Variants in ZAN observed in about 807,000 individuals in gnomAD.
ZAN encodes zonadhesin.
In ZAN, 260 loss-of-function variants were observed where a neutral mutation model predicts 286.2. That is an observed-to-expected ratio of 0.91 (90% CI 0.82 to 1.01). The LOEUF is 1.01. Among genes scored for constraint, ZAN ranks in the 50% least tolerant of loss-of-function variants. The probability of loss-of-function intolerance (pLI) is 0.00; values close to 1 mark genes in which losing one functional copy is unlikely to be tolerated. For synonymous variants in ZAN, 1,368 were observed against 1,417.5 expected (o/e 0.97, Z 0.79); for missense variants, 3,410 against 3,639.2 (o/e 0.94, Z 1.62).
chr7:100,790,943 G>C lies in ZAN; in HGVS notation c.7359G>C (p.Val2453=), dbSNP rs1811901397. The change falls in exon 40 of 48, where the codon GTG becomes GTC. Residue 2453 remains valine, a splice_region_variant and synonymous_variant. Transcript: ENST00000613979. ...VVSFGGRKNA[V]ISLPSMYEGL... ...CTGGGGACCCCCTTCCTCCCGCAGT[G>C]ATCTCCCTACCCAGCATGTACGAGG... 2 of 1,607,698 alleles carry C rather than the reference G, an allele frequency of 1.2e-6. No individual in the cohort carries two copies. The highest frequency in any genetic ancestry group is 1.7e-6 in the Non-Finnish European group (2 of 1,177,110).
intron 12 of ZAN, 99 bp downstream of exon 12, chr7:100,750,995 A>G (rs1352577487): frequency 5.4e-6 from 8 of 1,487,006 alleles, no homozygotes; most frequent in Non-Finnish European, 5.4e-6. Context: ...AAAGCTGGAA[A>G]GAGAGCCGAG....
chr7:100,737,026 C>A lies in ZAN; in HGVS notation c.471C>A (p.Pro157=). ...GGAAACACTGGAACACCCAGAGACCCTCCTGGATGCTCACCACCGTCACTG... is the reference window on the plus strand; with the variant it reads ...GGAAACACTGGAACACCCAGAGACCATCCTGGATGCTCACCACCGTCACTG... ...VLWKHWNTQR[P]SWMLTTVTVP... The change falls in exon 5 of 48, where the codon CCC becomes CCA. Residue 157 remains proline (P), a synonymous_variant. Transcript: ENST00000613979. 1 of 1,499,158 alleles carries A rather than the reference C, an allele frequency of 6.7e-7. No homozygotes were observed. The highest frequency in any genetic ancestry group is 2.3e-5 in the East Asian group (1 of 42,834). 92.9% of individuals were successfully genotyped at this position (1,499,158 alleles called of 1,614,324 possible). A position where few individuals can be genotyped will look rare whatever the true frequency, so the allele number is the denominator to read the frequency against.
chr7:100,797,331 C>T (rs769494573), intron 45 of ZAN, 35 bp from the exon 46 acceptor site: 5 of 1,603,852 alleles, frequency 3.1e-6, no homozygotes, highest in Admixed American at 1.7e-5. Context: ...TCCCGTCTCA[C>T]GTTCGACCTA....
chr7:100,746,852 G>A (rs1484547073), intron 8 of ZAN, 150 bp downstream of exon 8: 24 of 1,034,760 alleles, frequency 2.3e-5, no homozygotes, highest in Non-Finnish European at 3.2e-5. Context: ...TGGCTGGGAG[G>A]GCACTTTGGG....
chr7:100,789,868 G>C lies in ZAN; in HGVS notation c.7357+521G>C, dbSNP rs184983466. On this transcript the variant is annotated intron_variant, in intron 39 of 47. Transcript: ENST00000613979. ...GCTGAGGCAGGAGAATCGCTTGAAC[G>C]TGGGAGGCGGAGGTTGCAGTGAGCT... Among the ~76,000 whole-genome samples, 1,301 of 152,054 alleles carry C rather than the reference G, an allele frequency of 8.6e-3. 23 individuals are homozygous for C. The highest frequency in any genetic ancestry group is 0.03 in the African/African-American group (1,228 of 41,484).
intron 19 of ZAN, 143 bp from the exon 20 acceptor site, chr7:100,762,072 G>A: frequency 1.0e-6 from 1 of 967,038 alleles, no homozygotes; most frequent in Non-Finnish European, 1.6e-6. Context: ...AGGGCCATGG[G>A]GTCCTCTTGT....
At position 100,764,051 on chromosome 7, in the gene ZAN, C is replaced by A. The variant is rs780035323; in HGVS notation, c.4122C>A (p.Ala1374=). 2 of 1,613,780 alleles carry A rather than the reference C, an allele frequency of 1.2e-6. No homozygotes were observed. Among genetic ancestry groups the A allele is most frequent in the African/African-American group, 2.7e-5 (2 of 74,932 alleles). ...PFETCLLHVK[A]ASFFDSCMLD... The stretch of plus-strand genomic sequence containing the variant: ...GGACATGCCTGCTGCACGTGAAGGC[C>A]GCTTCCTTCTTCGACAGCTGCATGC... Residue 1374 remains alanine (A), a synonymous_variant, in exon 22 of 48, where the codon GCC becomes GCA. Transcript: ENST00000613979.
rs759470759 is a variant in ZAN, at chr7:100,767,803, C to T, written c.4861-28C>T. On this transcript the variant is annotated intron_variant, in intron 25 of 47. Coordinates refer to ENST00000613979, the MANE Select transcript of ZAN (RefSeq NM_003386.3). ...TTATCCCGAGTTCTTTCCTGACTCT[C>T]CTTTCTACGTCCTCCCTGCCTCTGC... 9 of 1,598,918 alleles carry T rather than the reference C, an allele frequency of 5.6e-6. No individual in the cohort carries two copies. In the African/African-American group the frequency reaches 1.2e-4, roughly 21 times the overall value.
intron 35 of ZAN, among the ~76,000 whole-genome samples, chr7:100,780,737 G>A (rs1380918618): frequency 6.6e-6 from 1 of 151,902 alleles, no homozygotes; most frequent in South Asian, 2.1e-4. Context: ...CATGGGCCTG[G>A]TTCATGTCTC....
Position 100,758,244 on chromosome 7 carries a change from C to G in ZAN, c.3352C>G (p.Arg1118Gly), listed in dbSNP as rs369123877. Reference sequence around the variant, plus strand: ...CAGCCCCAACTGCACAGAACATTGCCGCTGCTGGCCCGGCAGTCGGGTCGA... The same window carrying G: ...CAGCCCCAACTGCACAGAACATTGCGGCTGCTGGCCCGGCAGTCGGGTCGA... ...WFSPNCTEHC[R>G]CWPGSRVECQ... is the part of the protein sequence containing the mutation. Residue 1118 changes from arginine to glycine, a missense_variant, in exon 16 of 48, where the codon CGC becomes GGC. This residue lies in a region of ZAN where 1,042 missense variants were observed against 1,058.0 expected (regional missense o/e 0.98). Coordinates refer to ENST00000613979, the MANE Select transcript of ZAN (RefSeq NM_003386.3). 1.1e-5 allele frequency: 17 copies of G among 1,613,500 alleles called. No individual in the cohort carries two copies. Among genetic ancestry groups the G allele is most frequent in the Non-Finnish European group, 1.3e-5 (15 of 1,179,894 alleles).
intron 36 of ZAN, among the ~76,000 whole-genome samples, chr7:100,785,753 G>T (rs775699831): frequency 2.0e-5 from 3 of 151,782 alleles, no homozygotes; most frequent in Non-Finnish European, 4.4e-5. Context: ...CTGCCTCCTG[G>T]GTTCAAGCAA....
intron 44 of ZAN, 116 bp from the exon 45 acceptor site, chr7:100,795,080 C>T: frequency 2.2e-6 from 3 of 1,363,760 alleles, no homozygotes; most frequent in Non-Finnish European, 2.9e-6. Context: ...TGACCCCTGG[C>T]CAGTCTCTGG....
rs773047208 is a variant in ZAN at position 100,795,210 on chromosome 7, C to T, written c.8140C>T (p.Gln2714Ter). 2 of 1,609,782 alleles carry T rather than the reference C, an allele frequency of 1.2e-6. No homozygotes were observed. The highest frequency in any genetic ancestry group is 2.2e-5 in the East Asian group (1 of 44,470). Residue 2714 changes from glutamine to a stop codon, truncating the protein, a stop_gained, in exon 45 of 48, where the codon CAG becomes TAG. Coordinates refer to ENST00000613979, the MANE Select transcript of ZAN (RefSeq NM_003386.3). LOFTEE classifies it high-confidence loss of function. The part of the protein sequence containing the change: ...QGCFPESPCL[Q>*]NPCQNDGQCR... ...TGTCCTTGCAGAAAGCCCGTGTCTG[C>T]AGAACCCCTGTCAGAATGACGGGCA...
At position 100,762,299 on chromosome 7, in the gene ZAN, A is replaced by G. The variant is rs1190234916; in HGVS notation, c.3927A>G (p.Pro1309=). 6.2e-7 allele frequency: 1 copy of G among 1,613,638 alleles called. No homozygotes were observed. Among genetic ancestry groups the G allele is most frequent in the Admixed American group, 1.7e-5 (1 of 59,956 alleles). ...ACCACCTGAAGTTGGACGGCAGCCCAGCAGGAGACAAGGAGGAGCTGGGGA... is the reference window on the plus strand; with the variant it reads ...ACCACCTGAAGTTGGACGGCAGCCCGGCAGGAGACAAGGAGGAGCTGGGGA... ...DNDHLKLDGS[P]AGDKEELGNS... The change falls in exon 20 of 48, where the codon CCA becomes CCG. Residue 1309 remains proline, a synonymous_variant. Transcript: ENST00000613979.
At position 100,746,604 on chromosome 7, in the gene ZAN, C is replaced by G. The variant is rs1157578617; in HGVS notation, c.833C>G (p.Pro278Arg). ...GGGCAGAAAGCTGTCCTCCTGAGCC[C>G]CGTGAGCCTGTCCTCTGGCTGTCTG... ...RPGQKAVLLS[P>R]VSLSSGCLSF... Residue 278 changes from proline to arginine, a missense_variant, in exon 8 of 48, where the codon CCC becomes CGC. Transcript: ENST00000613979. The G allele has an allele frequency of 2.5e-6, 4 of 1,613,910 alleles. No individual in the cohort carries two copies. In the African/African-American group the frequency reaches 5.3e-5, roughly 22 times the overall value.
At chr7:100,787,825 G>A (rs1811657097) in intron 37 of ZAN, 64 bp from the exon 38 acceptor site, 2 of 1,393,152 alleles carry the variant, frequency 1.4e-6, no homozygotes, top group African/African-American at 1.4e-5. Flanking sequence ...GCCTCCCAAA[G>A]TCCTGGGATT....
intron 11 of ZAN, among the ~76,000 whole-genome samples, chr7:100,748,974 G>T (rs900747632): frequency 1.3e-5 from 2 of 152,142 alleles, no homozygotes; most frequent in Non-Finnish European, 2.9e-5. Context: ...AGTCAAGGCT[G>T]CAGTGAGCTA....
chr7:100,776,330 G>A (rs1301623282), intron 33 of ZAN, 110 bp from the exon 34 acceptor site: 2 of 1,320,740 alleles, frequency 1.5e-6, no homozygotes, highest in African/African-American at 1.5e-5. Flanking sequence ...GGGAGGGAGG[G>A]AGGGAGGGAG....
chr7:100,755,414 A>G lies in ZAN; in HGVS notation c.3309+4A>G. 6.2e-7 allele frequency: 1 copy of G among 1,612,272 alleles called. No individual in the cohort carries two copies. Among genetic ancestry groups the G allele is most frequent in the East Asian group, 2.2e-5 (1 of 44,864 alleles). On this transcript the variant is annotated splice_donor_region_variant and intron_variant, in intron 15 of 47. Coordinates refer to ENST00000613979, the MANE Select transcript of ZAN (RefSeq NM_003386.3). ...CTACAACAACGACTACTATGAGGTA[A>G]GCCCCCCGGGATGCTGGGGTCCCAT...
Sources: allele counts gnomAD v4.1 joint callset (sites outside exome capture counted in the v4.1 genomes callset), GRCh38; gene constraint gnomAD v4.1.1; regional missense constraint gnomAD v4.1.1; transcripts MANE v1.5; gene names NCBI Gene and HGNC (gene_info 2026-07-23, HGNC 2026-07-21).